Variants in TSPAN11 observed in about 807,000 individuals in gnomAD.
TSPAN11 encodes tetraspanin 11.
In TSPAN11, 29 loss-of-function variants were observed where a neutral mutation model predicts 32.9. That is an observed-to-expected ratio of 0.88 (90% CI 0.66 to 1.20). TSPAN11 has a LOEUF of 1.20. Among genes scored for constraint, TSPAN11 ranks in the 50% most tolerant of loss-of-function variants. TSPAN11 has a pLI of 0.00. For synonymous variants in TSPAN11, 140 were observed against 141.3 expected, an observed-to-expected ratio of 0.99 and a Z score of 0.07; for missense variants, 283 against 329.1, an observed-to-expected ratio of 0.86 and a Z score of 1.08.
rs1374507667 is a variant in TSPAN11 at position 30,995,013 on chromosome 12, A to AAAGCAGCACCC, written c.*3100_*3110dup. Reference sequence around the variant, plus strand: ...AGTGTCACTCAGGGGGCACTGTCACAAAGCAGCACCCATGGCACATGGGCC... The same window carrying AAAGCAGCACCC: ...AGTGTCACTCAGGGGGCACTGTCACAAAGCAGCACCCAAGCAGCACCCATGGCACATGGGCC... On this transcript the variant is annotated 3_prime_UTR_variant, in exon 8 of 8. Transcript: ENST00000546076. 1 of 152,184 alleles carries AAAGCAGCACCC rather than the reference A, an allele frequency of 6.6e-6. No individual in the cohort carries two copies. Among genetic ancestry groups the AAAGCAGCACCC allele is most frequent in the East Asian group, 1.9e-4 (1 of 5,172 alleles). The allele number at this position is 152,184 out of a possible 1,614,324, so 9.4% of individuals were successfully genotyped here.
intron 3 of TSPAN11, among the ~76,000 whole-genome samples, chr12:30,973,840 GA>G (rs1044770390): frequency 7.2e-5 from 11 of 152,266 alleles, no homozygotes; most frequent in African/African-American, 2.4e-4. Context: ...GAACCTTCTT[GA>G]TGCTTCCTAG....
chr12:31,015,878 C>T, the TSPAN11 span: 17 of 152,402 alleles, frequency 1.1e-4, no homozygotes, highest in African/African-American at 3.8e-4. This position sits in a 1 kb window ranked among gnomAD's most constrained non-coding sequence, Gnocchi z 4.9. Context: ...AGAACCGGGG[C>T]CCCTGCCTTC....
chr12:30,973,319 G>T (rs1346634138), intron 3 of TSPAN11, among the ~76,000 whole-genome samples: 1 of 152,210 alleles, frequency 6.6e-6, no homozygotes, highest in Non-Finnish European at 1.5e-5. Flanking sequence ...GCGTGGACAG[G>T]AGAGACCATG....
chr12:30,991,001 A>G (rs1939301533), intron 7 of TSPAN11, among the ~76,000 whole-genome samples: 1 of 152,184 alleles, frequency 6.6e-6, no homozygotes, highest in Non-Finnish European at 1.5e-5. Flanking sequence ...GGAAGAAGGC[A>G]GAGGAGGGCC....
At chr12:30,952,144 A>C (rs1403550839) in intron 1 of TSPAN11, among the ~76,000 whole-genome samples, 3 of 152,150 alleles carry the variant, frequency 2.0e-5, no homozygotes, top group Non-Finnish European at 4.4e-5. Flanking sequence ...TGAGTGAATC[A>C]GGCCTCTTTG....
At chr12:30,937,432 G>C (rs536531011) in intron 1 of TSPAN11, among the ~76,000 whole-genome samples, 6 of 152,046 alleles carry the variant, frequency 3.9e-5, no homozygotes, top group African/African-American at 7.3e-5. Flanking sequence ...CGTACTTTTG[G>C]GGGGGCGGCA....
rs145913656 is a variant in TSPAN11 at position 30,931,614 on chromosome 12, T to C, written c.-12+4818T>C. The stretch of plus-strand genomic sequence containing the variant: ...AGAGTACCTGGCTGGGCGCGGTGGC[T>C]CATGCCTGTAATCCCAGCACTTTGG... On this transcript the variant is annotated intron_variant, in intron 1 of 7. Coordinates refer to ENST00000546076, the MANE Select transcript of TSPAN11 (RefSeq NM_001370302.1). Among the ~76,000 whole-genome samples, 660 of 152,206 alleles carry C rather than the reference T, an allele frequency of 4.3e-3. 11 individuals are homozygous for C. Among genetic ancestry groups the C allele is most frequent in the African/African-American group, 0.015 (633 of 41,530 alleles).
intron 7 of TSPAN11, chr12:30,988,578 AG>A (rs1939248807): frequency 6.6e-6 from 1 of 152,218 alleles, no homozygotes; most frequent in Non-Finnish European, 1.5e-5. Flanking sequence ...CGACAAAGCA[AG>A]ACTCCATCTA....
At chr12:30,938,377 C>T (rs1938089487) in intron 1 of TSPAN11, among the ~76,000 whole-genome samples, 3 of 152,152 alleles carry the variant, frequency 2.0e-5, no homozygotes, top group Non-Finnish European at 4.4e-5. Flanking sequence ...CTGCCAAGTC[C>T]CTGGTTGGTA....
chr12:30,986,412 T>C (rs2140310403), intron 7 of TSPAN11, among the ~76,000 whole-genome samples: 1 of 152,302 alleles, frequency 6.6e-6, no homozygotes, highest in South Asian at 2.1e-4. Context: ...CTCTTTTCAA[T>C]GGAAATATCA....
intron 1 of TSPAN11, among the ~76,000 whole-genome samples, chr12:30,937,757 G>C (rs1565788044): frequency 6.6e-6 from 1 of 152,174 alleles, no homozygotes; most frequent in Non-Finnish European, 1.5e-5. Flanking sequence ...TCTCAGGCAT[G>C]ACCCCAGACT....
At chr12:30,953,836 C>T in intron 1 of TSPAN11, 145 bp from the exon 2 acceptor site, 3 of 605,242 alleles carry the variant, frequency 5.0e-6, no homozygotes, top group South Asian at 4.1e-5. Context: ...ATCTTTGCTC[C>T]ATGCTGCACA....
intron 7 of TSPAN11, among the ~76,000 whole-genome samples, chr12:30,987,607 A>G (rs1939225480): frequency 2.0e-5 from 3 of 149,760 alleles, no homozygotes; most frequent in Admixed American, 6.6e-5. Flanking sequence ...CGTCTCAAAG[A>G]AAAAAAAAAT....
At chr12:31,009,486 C>T in the TSPAN11 span, among the ~76,000 whole-genome samples, 1 of 152,160 alleles carries the variant, frequency 6.6e-6, no homozygotes, top group Non-Finnish European at 1.5e-5. Flanking sequence ...ATGCTGGGCA[C>T]AGAGGGAATC....
At chr12:30,958,771 T>TGGGGCA (rs912247726) in intron 2 of TSPAN11, among the ~76,000 whole-genome samples, 8 of 152,074 alleles carry the variant, frequency 5.3e-5, no homozygotes, top group Admixed American at 6.5e-5. Flanking sequence ...CAAGTGATCC[T>TGGGGCA]GGGGCAGGGG....
chr12:30,969,649 G>GTGGT (rs1249831804), intron 3 of TSPAN11, among the ~76,000 whole-genome samples: 1 of 152,196 alleles, frequency 6.6e-6, no homozygotes, highest in African/African-American at 2.4e-5. Context: ...TCTTGATGGG[G>GTGGT]TGGTTCTATG....
intron 3 of TSPAN11, among the ~76,000 whole-genome samples, chr12:30,973,183 C>T (rs897198947): frequency 7.9e-5 from 12 of 152,198 alleles, no homozygotes; most frequent in South Asian, 4.1e-4. Context: ...TCGCTCACCA[C>T]GTACTTGCTA....
chr12:31,011,176 C>G, the TSPAN11 span, among the ~76,000 whole-genome samples: 5 of 152,258 alleles, frequency 3.3e-5, no homozygotes, highest in Non-Finnish European at 5.9e-5. Flanking sequence ...GGCAGATCAC[C>G]TGAGGTCAGG....
At chr12:30,999,776 ACT>A (rs1939460377), downstream of TSPAN11, among the ~76,000 whole-genome samples, 1 of 152,042 alleles carries the variant, frequency 6.6e-6, no homozygotes, top group South Asian at 2.1e-4. Context: ...AAGTTCCAGA[ACT>A]CGGTAACCAG....
Sources: allele counts gnomAD v4.1 joint callset (sites outside exome capture counted in the v4.1 genomes callset), GRCh38; gene constraint gnomAD v4.1.1; non-coding constraint Gnocchi (gnomAD v3.1); transcripts MANE v1.5; gene names NCBI Gene and HGNC (gene_info 2026-07-23, HGNC 2026-07-21).